The following PDHX variants were observed in gnomAD, a reference collection of about 807,000 sequenced individuals.
PDHX encodes the protein pyruvate dehydrogenase protein X component, mitochondrial.
PDHX carries 33 observed loss-of-function variants against 55.3 expected under a neutral mutation model. The ratio of observed to expected loss-of-function variants is 0.60; its 90% CI spans 0.45 to 0.80. The LOEUF is 0.80. Among genes scored for constraint, PDHX ranks in the 30% least tolerant of loss-of-function variants. The pLI is 0.00. For synonymous variants in PDHX, 226 were observed against 219.4 expected, an observed-to-expected ratio of 1.03 and a Z score of -0.27; for missense variants, 622 against 619.9, an observed-to-expected ratio of 1.00 and a Z score of -0.04.
intron 7 of PDHX, among the ~76,000 whole-genome samples, chr11:34,973,917 C>T (rs1014159553): frequency 6.6e-6 from 1 of 152,032 alleles, no homozygotes; most frequent in Non-Finnish European, 1.5e-5. Flanking sequence ...TCCTTTAATG[C>T]TTCTTATAGT....
intron 2 of PDHX, among the ~76,000 whole-genome samples, chr11:34,933,366 C>T (rs1246162682): frequency 6.6e-6 from 1 of 152,056 alleles, no homozygotes; most frequent in Non-Finnish European, 1.5e-5. Flanking sequence ...AAGGATAAAG[C>T]GTCTCCAAAA....
At chr11:34,942,877 C>T (rs1168261683) in intron 2 of PDHX, among the ~76,000 whole-genome samples, 1 of 152,054 alleles carries the variant, frequency 6.6e-6, no homozygotes, top group African/African-American at 2.4e-5. Flanking sequence ...TTGGCATTCT[C>T]ATCTAGCTAA....
intron 1 of PDHX, among the ~76,000 whole-genome samples, chr11:34,923,281 A>G (rs1386304535): frequency 6.6e-6 from 1 of 152,158 alleles, no homozygotes; most frequent in Non-Finnish European, 1.5e-5. Context: ...GTATAAATCA[A>G]GGACTTTATT....
At chr11:34,940,396 A>G (rs536980713) in intron 2 of PDHX, among the ~76,000 whole-genome samples, 38 of 152,340 alleles carry the variant, frequency 2.5e-4, no homozygotes, top group South Asian at 1.4e-3. Flanking sequence ...ACTAGATGCC[A>G]CTAGAGAGTT....
intron 2 of PDHX, chr11:34,941,856 AGC>A (rs1462253052): frequency 6.5e-6 from 1 of 154,588 alleles, no homozygotes; most frequent in East Asian, 1.9e-4. Flanking sequence ...GGTGCTGGGG[AGC>A]GGCCCCCGGG....
intron 2 of PDHX, among the ~76,000 whole-genome samples, chr11:34,940,618 TA>T (rs1325028850): frequency 6.6e-6 from 1 of 152,216 alleles, no homozygotes; most frequent in Admixed American, 6.5e-5. Context: ...TGATTTTTAA[TA>T]AATATATGGA....
At chr11:34,963,269 C>T (rs373053479) in intron 5 of PDHX, among the ~76,000 whole-genome samples, 1 of 151,956 alleles carries the variant, frequency 6.6e-6, no homozygotes, top group Non-Finnish European at 1.5e-5. Context: ...TATTTTTTAA[C>T]GTTTTGAATT....
chr11:34,935,331 C>T (rs993287503), intron 2 of PDHX, among the ~76,000 whole-genome samples: 1 of 152,052 alleles, frequency 6.6e-6, no homozygotes, highest in African/African-American at 2.4e-5. Flanking sequence ...CTGTTTCTGG[C>T]AACCATTTTG....
Position 34,960,459 on chromosome 11 carries a change from ACACT to A in PDHX, c.587_590del (p.Ser196TrpfsTer26). On this transcript the variant is annotated frameshift_variant, in exon 5 of 11. Transcript: ENST00000227868. LOFTEE classifies it high-confidence loss of function. ...CAGCTGCCCGCAATATTCTGGAAAA[ACACT>A]CACTGGATGCTAGCCAGGGCACAGC... 6.2e-7 allele frequency: 1 copy of A among 1,613,520 alleles called. No individual in the cohort carries two copies. The highest frequency in any genetic ancestry group is 2.2e-5 in the East Asian group (1 of 44,798).
At chr11:34,959,177 TATATATATAATAA>T (rs1458314610) in intron 4 of PDHX, among the ~76,000 whole-genome samples, 2 of 151,862 alleles carry the variant, frequency 1.3e-5, no homozygotes, top group African/African-American at 4.8e-5. Context: ...TGAGGTATCC[TATATATATAATAA>T]ATATATATAA....
intron 1 of PDHX, among the ~76,000 whole-genome samples, chr11:34,929,387 C>T (rs757422769): frequency 6.6e-6 from 1 of 152,110 alleles, no homozygotes; most frequent in African/African-American, 2.4e-5. Context: ...TGTGCCATCA[C>T]GCCTGGCTAA....
At chr11:34,960,976 G>A (rs2133975967) in intron 5 of PDHX, among the ~76,000 whole-genome samples, 1 of 152,122 alleles carries the variant, frequency 6.6e-6, no homozygotes, top group East Asian at 1.9e-4. Context: ...CTATTTCACT[G>A]ATCCATCTGT....
At chr11:34,927,895 T>G (rs1854060536) in intron 1 of PDHX, among the ~76,000 whole-genome samples, 1 of 152,152 alleles carries the variant, frequency 6.6e-6, no homozygotes, top group Non-Finnish European at 1.5e-5. Context: ...TACTACAGAA[T>G]TTTTGTATTA....
rs928445252 is a variant in PDHX, at chr11:34,996,051, G to A, written c.*879G>A. 6.6e-6 allele frequency: 1 copy of A among 152,132 alleles called. No individual in the cohort carries two copies. Among genetic ancestry groups the A allele is most frequent in the Non-Finnish European group, 1.5e-5 (1 of 67,992 alleles). The allele number at this position is 152,132 out of a possible 1,614,324, so 9.4% of individuals were successfully genotyped here. ...TCAGTTTTGTATTGTGCAGTAAAATGTGAGAAAATATAAACATTTCTATTG... is the reference window on the plus strand; with the variant it reads ...TCAGTTTTGTATTGTGCAGTAAAATATGAGAAAATATAAACATTTCTATTG... On this transcript the variant is annotated 3_prime_UTR_variant, in exon 11 of 11. Coordinates refer to ENST00000227868, the MANE Select transcript of PDHX (RefSeq NM_003477.3).
At chr11:34,952,371 G>A (rs1025582636) in intron 3 of PDHX, among the ~76,000 whole-genome samples, 2 of 152,066 alleles carry the variant, frequency 1.3e-5, no homozygotes, top group African/African-American at 4.8e-5. Flanking sequence ...ACCAAAGCCG[G>A]GCAGAGACAC....
At chr11:34,969,816 C>A (rs1007095410) in intron 6 of PDHX, among the ~76,000 whole-genome samples, 5 of 152,066 alleles carry the variant, frequency 3.3e-5, no homozygotes, top group African/African-American at 9.7e-5. Flanking sequence ...CACACAAACA[C>A]ACCTGTGAAG....
intron 8 of PDHX, among the ~76,000 whole-genome samples, chr11:34,980,783 A>G (rs1185953578): frequency 6.6e-6 from 1 of 152,124 alleles, no homozygotes; most frequent in Non-Finnish European, 1.5e-5. Flanking sequence ...AGTGGTCACA[A>G]GTAAAATGGG....
intron 1 of PDHX, among the ~76,000 whole-genome samples, chr11:34,917,841 T>C (rs1853772979): frequency 6.6e-6 from 1 of 152,208 alleles, no homozygotes; most frequent in African/African-American, 2.4e-5. Context: ...CAGAATTCCT[T>C]CTCTTCCCTC....
Position 34,935,109 on chromosome 11 carries a change from G to T in PDHX, c.241+3625G>T, listed in dbSNP as rs1006165755. Among the ~76,000 whole-genome samples the T allele has an allele frequency of 7.2e-5, 11 of 151,902 alleles. No homozygotes were observed. The East Asian group carries it at 9.6e-4, about 13-fold the overall frequency. The stretch of plus-strand genomic sequence containing the variant: ...GGCAGTTGTATAAGTGAGGTAAAAG[G>T]TATATGTGGCTTCATTGCCTTTCCT... On this transcript the variant is annotated intron_variant, in intron 2 of 10. Transcript: ENST00000227868.
Sources: allele counts gnomAD v4.1 joint callset (sites outside exome capture counted in the v4.1 genomes callset), GRCh38; gene constraint gnomAD v4.1.1; transcripts MANE v1.5; gene names NCBI Gene and HGNC (gene_info 2026-07-23, HGNC 2026-07-21).